Variants in SDS observed in about 807,000 individuals in gnomAD.
SDS encodes the protein serine dehydratase, also known as L-serine dehydratase/L-threonine deaminase.
SDS carries 19 observed loss-of-function variants against 29.3 expected under a neutral mutation model. That is an observed-to-expected ratio of 0.65 (90% CI 0.45 to 0.95). The LOEUF (loss-of-function observed/expected upper bound fraction) is 0.95. SDS is among the 40% of genes least tolerant of loss of function. The probability of loss-of-function intolerance (pLI) is 0.00; values close to 1 mark genes in which losing one functional copy is unlikely to be tolerated. For synonymous variants in SDS, 176 were observed against 189.0 expected, an observed-to-expected ratio of 0.93 and a Z score of 0.56; for missense variants, 375 against 439.9, an observed-to-expected ratio of 0.85 and a Z score of 1.32.
At chr12:113,400,480 A>G (rs1436513327) in intron 1 of SDS, among the ~76,000 whole-genome samples, 3 of 151,596 alleles carry the variant, frequency 2.0e-5, no homozygotes, top group South Asian at 2.1e-4. Context: ...CTCAAAAAAA[A>G]AAAAGAATAG....
At chr12:113,395,318 G>A (rs1330851607) in intron 6 of SDS, among the ~76,000 whole-genome samples, 3 of 152,188 alleles carry the variant, frequency 2.0e-5, no homozygotes, top group African/African-American at 7.2e-5. Flanking sequence ...TACAGTAGGC[G>A]CTCAGCCATG....
intron 3 of SDS, 125 bp from the exon 4 acceptor site, chr12:113,398,971 G>T: frequency 6.5e-7 from 1 of 1,527,296 alleles, no homozygotes. Context: ...GCGACTGCTG[G>T]CCTCCCCCTG....
chr12:113,393,095 T>C lies in SDS; in HGVS notation c.833A>G (p.Tyr278Cys), dbSNP rs1402810331. ...TTGGAGCTTCTGGATCACGTGGCTA[T>C]AGACAGCGGCCAGGGCTGCCCCGCA... ...PACGAALAAV[Y>C]SHVIQKLQLE... The change falls in exon 8 of 8, where the codon TAT (tyrosine) becomes TGT (cysteine). Residue 278 changes from tyrosine to cysteine, a missense_variant. Coordinates refer to ENST00000257549, the MANE Select transcript of SDS (RefSeq NM_006843.3). 22 of 1,614,086 alleles carry C rather than the reference T, an allele frequency of 1.4e-5. No homozygotes were observed. The highest frequency in any genetic ancestry group is 2.7e-5 in the African/African-American group (2 of 74,950).
chr12:113,396,542 CTCCCTTCCTT>C (rs1565869419), intron 6 of SDS: 2 of 73,242 alleles, frequency 2.7e-5, no homozygotes, highest in Non-Finnish European at 5.5e-5. Flanking sequence ...CCCTCCCTCT[CTCCCTTCCTT>C]CCTTCCTTCC....
chr12:113,393,221 G>T (rs1957622423), intron 7 of SDS, 72 bp from the exon 8 acceptor site: 3 of 1,421,310 alleles, frequency 2.1e-6, no homozygotes, highest in Non-Finnish European at 3.0e-6. Context: ...CAGGCCATTG[G>T]CAGGACCTGG....
At chr12:113,402,789 G>C (rs1957692071) in intron 1 of SDS, among the ~76,000 whole-genome samples, 1 of 152,182 alleles carries the variant, frequency 6.6e-6, no homozygotes, top group Admixed American at 6.5e-5. Context: ...TCCGTGAAGT[G>C]AGCATCCATT....
intron 7 of SDS, 52 bp from the exon 8 acceptor site, chr12:113,393,201 C>T (rs1001137862): frequency 1.6e-5 from 25 of 1,529,730 alleles, no homozygotes; most frequent in Middle Eastern, 2.3e-4. Flanking sequence ...CCAGGGTGCA[C>T]AGGAGCTGAC....
intron 1 of SDS, among the ~76,000 whole-genome samples, chr12:113,400,673 A>G (rs984755854): frequency 6.6e-6 from 1 of 151,602 alleles, no homozygotes; most frequent in African/African-American, 2.4e-5. Context: ...TAATTTTTTT[A>G]TTTGAATTTT....
In SDS at chr12:113,398,760, G is replaced by A; in HGVS notation, c.280C>T (p.Leu94Phe). The A allele has an allele frequency of 6.2e-7, 1 of 1,614,232 alleles. No individual in the cohort carries two copies. Among genetic ancestry groups the A allele is most frequent in the Non-Finnish European group, 8.5e-7 (1 of 1,180,044 alleles). The change falls in exon 4 of 8, where the codon CTC becomes TTC. Residue 94 changes from leucine (L) to phenylalanine (F), a missense_variant. Coordinates refer to ENST00000257549, the MANE Select transcript of SDS (RefSeq NM_006843.3). The part of the protein sequence containing the change: ...TIVVPSTTPA[L>F]TIERLKNEGA... The stretch of plus-strand genomic sequence containing the variant: ...TCATTCTTGAGGCGCTCAATGGTGA[G>A]AGCAGGTGTGGTGCTGGGCACCACG...
intron 6 of SDS, among the ~76,000 whole-genome samples, chr12:113,394,960 C>T (rs115352549): frequency 1.4e-4 from 22 of 152,320 alleles, no homozygotes; most frequent in African/African-American, 5.1e-4. Context: ...TAGTAACAAG[C>T]GCCCTGAGTA....
intron 5 of SDS, among the ~76,000 whole-genome samples, chr12:113,397,822 G>A (rs939671388): frequency 6.6e-6 from 1 of 152,016 alleles, no homozygotes; most frequent in Admixed American, 6.6e-5. Flanking sequence ...AAACAGCAAA[G>A]CCCCCTTCCT....
In SDS at chr12:113,398,619, AG is replaced by A; in HGVS notation, c.334-14del. ...CTTCATCCAATAACTGCAAAGCCAC[AG>A]GGGAGATAGGAGGGGGTGAGGCACA... is the stretch of plus-strand genomic sequence containing the variant. On this transcript the variant is annotated splice_polypyrimidine_tract_variant and intron_variant, in intron 4 of 7. Transcript: ENST00000257549. 1 of 1,597,550 alleles carries A rather than the reference AG, an allele frequency of 6.3e-7. No homozygotes were observed. Among genetic ancestry groups the A allele is most frequent in the Non-Finnish European group, 8.5e-7 (1 of 1,169,940 alleles).
At chr12:113,395,129 C>T (rs1565869058) in intron 6 of SDS, among the ~76,000 whole-genome samples, 1 of 152,170 alleles carries the variant, frequency 6.6e-6, no homozygotes, top group African/African-American at 2.4e-5. Flanking sequence ...AGTGCTGGAG[C>T]TGGGGCTGCA....
intron 1 of SDS, 81 bp from the exon 2 acceptor site, chr12:113,399,791 T>C: frequency 7.4e-7 from 1 of 1,349,596 alleles, no homozygotes; most frequent in South Asian, 1.6e-5. Flanking sequence ...CTTCCTTCGC[T>C]TCCCAGCAAG....
chr12:113,395,847 C>G (rs1410434223), intron 6 of SDS, among the ~76,000 whole-genome samples: 1 of 152,184 alleles, frequency 6.6e-6, no homozygotes, highest in Non-Finnish European at 1.5e-5. Flanking sequence ...TGCGGTGGCT[C>G]ACGCCTGTAA....
chr12:113,397,708 C>T (rs1957656694), intron 5 of SDS, among the ~76,000 whole-genome samples: 1 of 152,192 alleles, frequency 6.6e-6, no homozygotes, highest in Non-Finnish European at 1.5e-5. Context: ...TGCACTGGCT[C>T]CCAGGGTCCC....
At chr12:113,399,219 C>T (rs1358992989) in intron 2 of SDS, 68 bp from the exon 3 acceptor site, 6 of 1,515,764 alleles carry the variant, frequency 4.0e-6, no homozygotes, top group African/African-American at 2.7e-5. Context: ...TCCTCCCCAC[C>T]TGGAATACCT....
intron 6 of SDS, among the ~76,000 whole-genome samples, chr12:113,395,325 C>G (rs566651343): frequency 3.3e-5 from 5 of 152,206 alleles, no homozygotes; most frequent in Non-Finnish European, 5.9e-5. Context: ...GGCGCTCAGC[C>G]ATGACGTCTT....
intron 6 of SDS, among the ~76,000 whole-genome samples, chr12:113,396,123 AAACT>A (rs1957642307): frequency 6.6e-6 from 1 of 152,150 alleles, no homozygotes; most frequent in South Asian, 2.1e-4. Context: ...AAAAACAAAC[AAACT>A]ATCAAAGGTT....
Sources: gnomAD v4.1 joint callset for allele counts (sites outside exome capture counted in the v4.1 genomes callset) on GRCh38, gnomAD v4.1.1 for gene constraint, MANE v1.5 for transcripts, NCBI Gene and HGNC (gene_info 2026-07-23, HGNC 2026-07-21) for gene names.